The following ABCA13 variants were observed in gnomAD, a reference collection of about 807,000 sequenced individuals.
ABCA13 encodes the protein ATP binding cassette subfamily A member 13.
ABCA13 carries 476 observed loss-of-function variants against 478.7 expected under a neutral mutation model. The ratio of observed to expected loss-of-function variants is 0.99; its 90% CI spans 0.92 to 1.07. ABCA13 has a LOEUF of 1.07. Among genes scored for constraint, ABCA13 ranks in the 50% least tolerant of loss-of-function variants. The probability of loss-of-function intolerance (pLI) is 0.00; values close to 1 mark genes in which losing one functional copy is unlikely to be tolerated. For synonymous variants in ABCA13, 2,252 were observed against 2,158.9 expected (o/e 1.04, Z -1.20); for missense variants, 6,060 against 5,910.6 (o/e 1.03, Z -0.83).
intron 2 of ABCA13, 36 bp downstream of exon 2, chr7:48,193,088 C>G: frequency 6.9e-7 from 1 of 1,441,356 alleles, no homozygotes; most frequent in South Asian, 1.3e-5. Context: ...TTTGAATTAA[C>G]CTTTGGAGAA....
At chr7:48,308,281 G>A (rs939390776) in intron 23 of ABCA13, among the ~76,000 whole-genome samples, 3 of 152,110 alleles carry the variant, frequency 2.0e-5, no homozygotes, top group East Asian at 1.9e-4. Flanking sequence ...TAGAGCTGTC[G>A]TCTCCTGTGA....
rs1385443117 is a variant in ABCA13, at chr7:48,273,120, C to T, written c.3454C>T (p.Gln1152Ter). Residue 1152 changes from glutamine to a stop codon, truncating the protein, a stop_gained, in exon 17 of 62, where the codon CAA becomes TAA. Coordinates refer to ENST00000435803, the MANE Select transcript of ABCA13 (RefSeq NM_152701.5). LOFTEE classifies it high-confidence loss of function. The stretch of plus-strand genomic sequence containing the variant: ...CATTCACTGTACCGTTTCATGGCTT[C>T]AAATGTGGACTGAAATCTGGGAAAC... ...MSIHCTVSWL[Q>*]MWTEIWETIS... The T allele has an allele frequency of 6.2e-7, 1 of 1,613,506 alleles. No homozygotes were observed. Among genetic ancestry groups the T allele is most frequent in the Admixed American group, 1.7e-5 (1 of 59,964 alleles).
intron 43 of ABCA13, among the ~76,000 whole-genome samples, chr7:48,458,977 G>C (rs930346597): frequency 6.6e-6 from 1 of 152,104 alleles, no homozygotes; most frequent in Non-Finnish European, 1.5e-5. Flanking sequence ...GTTGGTTTGG[G>C]GTCTGGTCAG....
chr7:48,182,790 C>T (rs944145127), intron 1 of ABCA13, among the ~76,000 whole-genome samples: 5 of 152,128 alleles, frequency 3.3e-5, no homozygotes, highest in Non-Finnish European at 7.4e-5. Context: ...TTGGAAGCCT[C>T]GACTCCTAAC....
At chr7:48,186,661 C>T (rs1002848828) in intron 1 of ABCA13, among the ~76,000 whole-genome samples, 2 of 152,034 alleles carry the variant, frequency 1.3e-5, no homozygotes, top group African/African-American at 2.4e-5. Context: ...GCACTCTCTC[C>T]CTTAAATTGA....
At chr7:48,498,859 C>T (rs998067509) in intron 48 of ABCA13, among the ~76,000 whole-genome samples, 6 of 152,118 alleles carry the variant, frequency 3.9e-5, no homozygotes, top group East Asian at 1.9e-4. Context: ...GGGTGAGCAC[C>T]GGTTGTAGTG....
At chr7:48,392,321 G>T (rs753125298) in intron 38 of ABCA13, among the ~76,000 whole-genome samples, 182 bp downstream of exon 38, 2 of 152,240 alleles carry the variant, frequency 1.3e-5, no homozygotes, top group Non-Finnish European at 2.9e-5. Flanking sequence ...GTCAGAAAAG[G>T]CTTCTGTGGG....
Position 48,391,929 on chromosome 7 carries a change from T to G in ABCA13, c.11663T>G (p.Leu3888Trp). ...GAGKTTIISM[L>W]TGLHPPTSGT... is the part of the protein sequence containing the mutation. ...CTTATTTTCTCTGGCAGATCCATGT[T>G]GACGGGGCTCCACCCTCCCACTTCT... The change falls in exon 38 of 62, where the codon TTG becomes TGG. Residue 3888 changes from leucine to tryptophan, a missense_variant. Leu to Trp is a moderately conservative substitution (Grantham distance 61). Around this residue, in one of 3 missense-constraint regions of ABCA13, gnomAD observed 1,627 missense variants for 1,571.0 expected, o/e 1.04. Transcript: ENST00000435803. 6.2e-7 allele frequency: 1 copy of G among 1,613,850 alleles called. No individual in the cohort carries two copies. Among genetic ancestry groups the G allele is most frequent in the Non-Finnish European group, 8.5e-7 (1 of 1,179,812 alleles).
intron 55 of ABCA13, among the ~76,000 whole-genome samples, chr7:48,563,758 G>A (rs1056528244): frequency 3.3e-5 from 5 of 151,202 alleles, no homozygotes; most frequent in African/African-American, 1.2e-4. Context: ...AATTATATCC[G>A]TGTATGGTCT....
intron 15 of ABCA13, among the ~76,000 whole-genome samples, chr7:48,255,263 T>C (rs1793207934): frequency 6.6e-6 from 1 of 152,180 alleles, no homozygotes; most frequent in Non-Finnish European, 1.5e-5. Flanking sequence ...AATGCTGACG[T>C]CAGACTAATT....
chr7:48,363,666 A>G (rs1468235772), intron 31 of ABCA13, among the ~76,000 whole-genome samples: 10 of 151,932 alleles, frequency 6.6e-5, no homozygotes, highest in Admixed American at 6.6e-4. Flanking sequence ...CCTATTTTCT[A>G]CATCCCTTAC....
chr7:48,483,159 C>T lies in ABCA13; in HGVS notation c.13178C>T (p.Ala4393Val). 1 of 1,608,964 alleles carries T rather than the reference C, an allele frequency of 6.2e-7. No homozygotes were observed. Among genetic ancestry groups the T allele is most frequent in the Non-Finnish European group, 8.5e-7 (1 of 1,178,132 alleles). ...AACATATCAAAACCCCCAACTCTGG[C>T]AAAGGTAATCATATTTTTTTATTTT... ...NGNISKPPTL[A>V]KVWYNQKGFH... is the part of the protein sequence containing the mutation. The change falls in exon 47 of 62, where the codon GCA (alanine) becomes GTA (valine). Residue 4393 changes from alanine (A) to valine (V), a missense_variant. By Grantham distance (64) the Ala-to-Val change is moderately conservative. Coordinates refer to ENST00000435803, the MANE Select transcript of ABCA13 (RefSeq NM_152701.5).
intron 1 of ABCA13, among the ~76,000 whole-genome samples, chr7:48,183,300 T>A (rs960971033): frequency 1.3e-5 from 2 of 152,214 alleles, no homozygotes; most frequent in Non-Finnish European, 2.9e-5. Context: ...TAAAAATATA[T>A]TTAGACTCAA....
rs1013397451 is a variant in ABCA13 at position 48,489,178 on chromosome 7, A to C, written c.13183-58A>C. The C allele has an allele frequency of 1.6e-5, 23 of 1,394,914 alleles. No homozygotes were observed. The East Asian group carries it at 2.2e-4, about 13-fold the overall frequency. The allele number at this position is 1,394,914 out of a possible 1,614,324, so 86.4% of individuals were successfully genotyped here. ...CGTTCCTTAAATCCCAGAATAGTTG[A>C]CAAACAGACTTACGAGCTAATTTCG... On this transcript the variant is annotated intron_variant, in intron 47 of 61. Coordinates refer to ENST00000435803, the MANE Select transcript of ABCA13 (RefSeq NM_152701.5).
intron 15 of ABCA13, among the ~76,000 whole-genome samples, chr7:48,255,941 TC>T: frequency 6.6e-6 from 1 of 152,304 alleles, no homozygotes; most frequent in South Asian, 2.1e-4. Flanking sequence ...GTGTAAGTGT[TC>T]CCGTTTCTCC....
Position 48,239,381 on chromosome 7 carries a change from C to A in ABCA13, c.1038C>A (p.Val346=). The A allele has an allele frequency of 6.2e-7, 1 of 1,613,520 alleles. No individual in the cohort carries two copies. The highest frequency in any genetic ancestry group is 1.1e-5 in the South Asian group (1 of 91,006). Residue 346 remains valine (V), a synonymous_variant, in exon 9 of 62, where the codon GTC becomes GTA. Transcript: ENST00000435803. ...CCAAAAACTATCTTGTCCATGCAGT[C>A]AGCTGGCTGCGAGTCTACCAACAGG... ...SEAKNYLVHA[V]SWLRVYQQVF...
intron 59 of ABCA13, among the ~76,000 whole-genome samples, chr7:48,620,437 C>T (rs927724811): frequency 1.6e-4 from 25 of 152,106 alleles, no homozygotes; most frequent in African/African-American, 5.3e-4. Context: ...AGCACTGTTT[C>T]GTTTTGGGTT....
At chr7:48,419,372 C>G (rs1378689153) in intron 41 of ABCA13, among the ~76,000 whole-genome samples, 1 of 152,126 alleles carries the variant, frequency 6.6e-6, no homozygotes, top group African/African-American at 2.4e-5. Flanking sequence ...AGTCTTCCTC[C>G]TCTTTGCCCT....
Position 48,198,251 on chromosome 7 carries a change from C to T in ABCA13, c.178C>T (p.Arg60Ter), listed in dbSNP as rs367940272. 45 of 1,612,654 alleles carry T rather than the reference C, an allele frequency of 2.8e-5. No individual in the cohort carries two copies. In the East Asian group the frequency reaches 3.6e-4, roughly 13 times the overall value. ...TCTATTTCTAGGTTATTTGCAGCCC[C>T]GAGATCTACCCAGCTGTGGTGTTAT... ...RYRDICYLQPRDLPSCGVIPF... is the reference protein window; with the variant it reads ...RYRDICYLQP The change falls in exon 3 of 62, where the codon CGA becomes TGA. Residue 60 changes from arginine to a stop codon, truncating the protein, a stop_gained. Transcript: ENST00000435803. LOFTEE classifies it high-confidence loss of function.
Sources: gnomAD v4.1 joint callset for allele counts (sites outside exome capture counted in the v4.1 genomes callset) on GRCh38, gnomAD v4.1.1 for gene constraint, gnomAD v4.1.1 regional missense constraint, MANE v1.5 for transcripts, NCBI Gene and HGNC (gene_info 2026-07-23, HGNC 2026-07-21) for gene names.